The following UBXN7 variants were observed in gnomAD, a reference collection of about 807,000 sequenced individuals.
UBXN7 encodes UBX domain-containing protein 7.
UBXN7 carries 9 observed loss-of-function variants against 58.0 expected under a neutral mutation model. That is an observed-to-expected ratio of 0.16 (90% CI 0.09 to 0.27). UBXN7 has a LOEUF of 0.27. UBXN7 is among the 10% of genes least tolerant of loss of function. The pLI is 1.00. For synonymous variants in UBXN7, 208 were observed against 205.0 expected, an observed-to-expected ratio of 1.01 and a Z score of -0.12; for missense variants, 328 against 599.6, an observed-to-expected ratio of 0.55 and a Z score of 4.73.
At chr3:196,416,300 G>A (rs574768398) in intron 1 of UBXN7, 2 of 152,216 alleles carry the variant, frequency 1.3e-5, no homozygotes, top group South Asian at 2.1e-4. Context: ...GCACGATGGT[G>A]GGTGCGTGTA....
intron 5 of UBXN7, among the ~76,000 whole-genome samples, chr3:196,375,775 T>C (rs987786070): frequency 5.3e-5 from 8 of 152,348 alleles, no homozygotes; most frequent in Non-Finnish European, 1.0e-4. Flanking sequence ...ATGCCTGTAA[T>C]CCCAGCACTT....
Position 196,362,194 on chromosome 3 carries a change from A to G in UBXN7, c.1228+100T>C, listed in dbSNP as rs567986221. ...TTTTTAGTAGAGACAGGGTTTTGCCATGTTGGCGAGGCTGGTCTTGGAACT... is the reference window on the plus strand; with the variant it reads ...TTTTTAGTAGAGACAGGGTTTTGCCGTGTTGGCGAGGCTGGTCTTGGAACT... On this transcript the variant is annotated intron_variant, in intron 9 of 10. Coordinates refer to ENST00000296328, the MANE Select transcript of UBXN7 (RefSeq NM_015562.2). 57 of 1,438,562 alleles carry G rather than the reference A, an allele frequency of 4.0e-5. 2 individuals are homozygous for G. In the South Asian group the frequency reaches 7.9e-4, roughly 20 times the overall value. 89.1% of individuals were successfully genotyped at this position (1,438,562 alleles called of 1,614,324 possible). A position where few individuals can be genotyped will look rare whatever the true frequency, so the allele number is the denominator to read the frequency against.
chr3:196,398,010 C>T (rs1729828683), intron 3 of UBXN7, among the ~76,000 whole-genome samples: 3 of 152,172 alleles, frequency 2.0e-5, no homozygotes. Context: ...TGGGTGAATA[C>T]CTTGAGTACA....
At chr3:196,368,756 G>C (rs1728737956) in intron 7 of UBXN7, among the ~76,000 whole-genome samples, 1 of 152,162 alleles carries the variant, frequency 6.6e-6, no homozygotes, top group Non-Finnish European at 1.5e-5. Flanking sequence ...TCCACCCTCT[G>C]CTTCTCAGGT....
chr3:196,385,793 G>A (rs896745998), intron 5 of UBXN7, among the ~76,000 whole-genome samples: 2 of 146,542 alleles, frequency 1.4e-5, no homozygotes, highest in East Asian at 2.0e-4. Context: ...CTGGGAAGTG[G>A]GGGGGGTGGG....
chr3:196,371,605 C>T (rs1728833836), intron 6 of UBXN7, among the ~76,000 whole-genome samples: 2 of 152,092 alleles, frequency 1.3e-5, no homozygotes, highest in African/African-American at 4.8e-5. Flanking sequence ...CCTCAGCCTC[C>T]CGAGTAGCTG....
chr3:196,430,804 TTATA>T (rs1731006414), intron 1 of UBXN7, among the ~76,000 whole-genome samples: 1 of 152,178 alleles, frequency 6.6e-6, no homozygotes, highest in Non-Finnish European at 1.5e-5. Flanking sequence ...CAACACTAAC[TTATA>T]TACACAATAA....
intron 5 of UBXN7, among the ~76,000 whole-genome samples, chr3:196,375,188 C>A (rs1728977739): frequency 1.0e-5 from 1 of 99,992 alleles, no homozygotes; most frequent in Admixed American, 1.1e-4. Context: ...TCTTACCACA[C>A]ACACACACAC....
intron 1 of UBXN7, among the ~76,000 whole-genome samples, chr3:196,407,897 A>C (rs1163217257): frequency 6.6e-6 from 1 of 152,056 alleles, no homozygotes; most frequent in Non-Finnish European, 1.5e-5. Context: ...CAGGAGTTGG[A>C]GACCAGCCTA....
At chr3:196,396,759 T>C (rs1729788802) in intron 3 of UBXN7, among the ~76,000 whole-genome samples, 1 of 151,794 alleles carries the variant, frequency 6.6e-6, no homozygotes. Context: ...CGAGACTCCA[T>C]CTCAAAAAAA....
intron 1 of UBXN7, chr3:196,423,487 G>A (rs1429007929): frequency 8.5e-6 from 2 of 236,154 alleles, no homozygotes; most frequent in South Asian, 4.2e-5. Flanking sequence ...TGGGGTACTT[G>A]TTCCCCTCCT....
chr3:196,386,535 A>C (rs1280825643), intron 5 of UBXN7, among the ~76,000 whole-genome samples: 3 of 152,204 alleles, frequency 2.0e-5, no homozygotes, highest in South Asian at 4.1e-4. Flanking sequence ...ATACAAAATC[A>C]ATGTGCAAAA....
rs1306601410 is a variant in UBXN7 at position 196,424,182 on chromosome 3, C to T, written c.73+8145G>A. Among the ~76,000 whole-genome samples, 3 of 151,952 alleles carry T rather than the reference C, an allele frequency of 2.0e-5. No homozygotes were observed. In the East Asian group the frequency reaches 5.8e-4, roughly 29 times the overall value. On this transcript the variant is annotated intron_variant, in intron 1 of 10. Transcript: ENST00000296328. ...CTGGGATTACAGGCATGAGCCACCA[C>T]ACGTGGCCACTCCTGATGCTTTAAG...
intron 7 of UBXN7, 115 bp downstream of exon 7, chr3:196,369,306 T>TTACTG: frequency 1.2e-6 from 1 of 829,702 alleles, no homozygotes; most frequent in South Asian, 1.6e-5. Flanking sequence ...AACGAAACCT[T>TTACTG]CACCTAAATT....
intron 1 of UBXN7, among the ~76,000 whole-genome samples, chr3:196,422,205 C>CA (rs1167958793): frequency 6.6e-6 from 1 of 151,652 alleles, no homozygotes; most frequent in Non-Finnish European, 1.5e-5. Context: ...ATCTCAAAAA[C>CA]AAAAAACAAA....
At chr3:196,356,886 AAGAGGAAAG>A in intron 10 of UBXN7, 40 bp from the exon 11 acceptor site, 1 of 1,583,340 alleles carries the variant, frequency 6.3e-7, no homozygotes. Context: ...TAGACGGAAA[AAGAGGAAAG>A]AGCATATTAG....
intron 5 of UBXN7, among the ~76,000 whole-genome samples, chr3:196,380,543 G>A (rs1378485696): frequency 6.6e-5 from 10 of 152,210 alleles, no homozygotes. Context: ...GCTGCAGTCT[G>A]CAGCTCCCAG....
At chr3:196,402,161 C>T (rs1035525362) in intron 3 of UBXN7, among the ~76,000 whole-genome samples, 2 of 152,136 alleles carry the variant, frequency 1.3e-5, no homozygotes, top group South Asian at 4.1e-4. Context: ...GCTGGGATTA[C>T]AGGCATGTGC....
At chr3:196,365,667 C>T (rs1470238413) in intron 8 of UBXN7, among the ~76,000 whole-genome samples, 1 of 152,176 alleles carries the variant, frequency 6.6e-6, no homozygotes, top group African/African-American at 2.4e-5. Flanking sequence ...GAGGGGACAA[C>T]TACAATCTCT....
Sources: allele counts gnomAD v4.1 joint callset (sites outside exome capture counted in the v4.1 genomes callset), GRCh38; gene constraint gnomAD v4.1.1; transcripts MANE v1.5; gene names NCBI Gene and HGNC (gene_info 2026-07-23, HGNC 2026-07-21).